INO80: variants seen among roughly 807,000 people sequenced by gnomAD.
INO80 encodes the protein chromatin-remodeling ATPase INO80.
INO80 carries 20 observed loss-of-function variants against 203.4 expected under a neutral mutation model. The ratio of observed to expected loss-of-function variants is 0.10; its 90% confidence interval spans 0.07 to 0.14. The LOEUF is 0.14. Ranked by LOEUF, INO80 falls within the 10% of genes least tolerant of loss-of-function variation. The probability of loss-of-function intolerance (pLI) is 1.00; values close to 1 mark genes in which losing one functional copy is unlikely to be tolerated. For missense variants in INO80, 1,419 were observed against 1,914.4 expected, an observed-to-expected ratio of 0.74 and a Z score of 4.83; for synonymous variants, 726 against 685.2, an observed-to-expected ratio of 1.06 and a Z score of -0.93.
rs530408107 is a variant in INO80, at chr15:41,034,812, G to A, written c.2908-7076C>T. ...GACTGATCTGGAACATGGAATCTGG[G>A]TTCAACTTGCATACTCTTCCATTAA... is the stretch of plus-strand genomic sequence containing the variant. On this transcript the variant is annotated intron_variant, in intron 24 of 35. Transcript: ENST00000648947. Among the ~76,000 whole-genome samples the A allele has an allele frequency of 6.6e-5, 10 of 152,312 alleles. No homozygotes were observed. The South Asian group carries it at 1.9e-3, about 28-fold the overall frequency.
chr15:41,089,223 AAAAC>A (rs978625277), intron 5 of INO80, among the ~76,000 whole-genome samples: 5 of 152,150 alleles, frequency 3.3e-5, no homozygotes, highest in Non-Finnish European at 7.4e-5. Context: ...ATAAACATAA[AAAAC>A]AAGCAAATAC....
At chr15:41,072,906 G>A (rs543252695) in intron 11 of INO80, among the ~76,000 whole-genome samples, 18 of 151,192 alleles carry the variant, frequency 1.2e-4, no homozygotes, top group Admixed American at 5.9e-4. Flanking sequence ...TCAGCCTCCC[G>A]AGTAGCTGGG....
chr15:41,009,957 A>G (rs2044109106), intron 27 of INO80, among the ~76,000 whole-genome samples: 1 of 151,936 alleles, frequency 6.6e-6, no homozygotes, highest in Admixed American at 6.6e-5. Context: ...CTTACACGGA[A>G]CCCCTCTAAT....
At chr15:41,092,457 A>C (rs2045659362) in intron 4 of INO80, among the ~76,000 whole-genome samples, 1 of 152,254 alleles carries the variant, frequency 6.6e-6, no homozygotes, top group African/African-American at 2.4e-5. Context: ...TAAATAATAC[A>C]TAAATATCAT....
intron 15 of INO80, among the ~76,000 whole-genome samples, chr15:41,059,125 T>A (rs1039410717): frequency 3.0e-4 from 46 of 151,716 alleles, no homozygotes; most frequent in Non-Finnish European, 4.9e-4. Flanking sequence ...CTAATTTTTT[T>A]ATTTTATTTT....
chr15:41,060,238 T>C (rs948209098), intron 14 of INO80, among the ~76,000 whole-genome samples: 3 of 152,186 alleles, frequency 2.0e-5, no homozygotes, highest in Non-Finnish European at 4.4e-5. Context: ...GATGGTATCA[T>C]GGCATTACAA....
chr15:41,052,337 T>C (rs1055557880), intron 19 of INO80, among the ~76,000 whole-genome samples: 1 of 151,974 alleles, frequency 6.6e-6, no homozygotes, highest in African/African-American at 2.4e-5. Flanking sequence ...TAAATAAAGG[T>C]ACAGTTCTAC....
At chr15:41,046,196 CGTATACATACATATATAT>C (rs1313254038) in intron 23 of INO80, among the ~76,000 whole-genome samples, 9 of 59,022 alleles carry the variant, frequency 1.5e-4, no homozygotes, top group African/African-American at 6.9e-4. Context: ...TCTCTGTGTG[CGTATACATACATATATAT>C]ATATATATAT....
chr15:41,091,707 TG>T (rs1457397733), intron 5 of INO80, among the ~76,000 whole-genome samples: 1 of 139,120 alleles, frequency 7.2e-6, no homozygotes, highest in Non-Finnish European at 1.5e-5. Context: ...CAGGCTGGAG[TG>T]CAGTGCTGTG....
intron 20 of INO80, 142 bp from the exon 21 acceptor site, chr15:41,049,562 G>C: frequency 1.3e-6 from 1 of 796,790 alleles, no homozygotes; most frequent in Non-Finnish European, 2.0e-6. Context: ...TGCTTATCTG[G>C]CATCAAGGAT....
intron 19 of INO80, 76 bp from the exon 20 acceptor site, chr15:41,050,178 C>A: frequency 1.1e-6 from 1 of 928,346 alleles, no homozygotes; most frequent in Non-Finnish European, 1.7e-6. Context: ...AAGTTGAAAA[C>A]ACACACAAAC....
chr15:41,106,752 C>T (rs1334520402), intron 1 of INO80, among the ~76,000 whole-genome samples: 1 of 152,194 alleles, frequency 6.6e-6, no homozygotes, highest in African/African-American at 2.4e-5. Flanking sequence ...GTACATATAT[C>T]TATAAATATT....
intron 29 of INO80, among the ~76,000 whole-genome samples, chr15:40,993,651 C>T (rs1004620707): frequency 2.0e-5 from 3 of 151,848 alleles, no homozygotes; most frequent in East Asian, 1.9e-4. Context: ...CCCAGCTACT[C>T]GGGAGGCTGA....
chr15:41,056,676 C>A lies in INO80; in HGVS notation c.2016G>T (p.Gln672His), dbSNP rs144128071. The change falls in exon 17 of 36, where the codon CAG becomes CAT. Residue 672 changes from glutamine (Q) to histidine (H), a missense_variant. Physicochemically the swap from Gln to His is conservative, Grantham distance 24. Coordinates refer to ENST00000648947, the MANE Select transcript of INO80 (RefSeq NM_017553.3). ...SVRWKILLQF[Q>H]CRNRLLLTGT... ...CGGTTAGCAAAAGCCGATTCCGACA[C>A]TGGAACTGTAAGAGGATCTTCCAAC... is the stretch of plus-strand genomic sequence containing the variant. 1 of 1,614,002 alleles carries A rather than the reference C, an allele frequency of 6.2e-7. No individual in the cohort carries two copies. The highest frequency in any genetic ancestry group is 1.1e-5 in the South Asian group (1 of 91,088).
At chr15:41,053,070 T>C (rs1307674685) in intron 19 of INO80, among the ~76,000 whole-genome samples, 2 of 151,868 alleles carry the variant, frequency 1.3e-5, no homozygotes, top group African/African-American at 4.8e-5. Flanking sequence ...AGACAGACCA[T>C]CCAAATGCTA....
At position 41,014,283 on chromosome 15, in the gene INO80, G is replaced by A. The variant is rs538899002; in HGVS notation, c.3402+1805C>T. On this transcript the variant is annotated intron_variant, in intron 27 of 35. Transcript: ENST00000648947. ...AGAAATACCATTATGTCCCTTACCA[G>A]TATCCTTAGCATACTGCTTTTTCTT... Among the ~76,000 whole-genome samples, 12 of 152,250 alleles carry A rather than the reference G, an allele frequency of 7.9e-5. No individual in the cohort carries two copies. The East Asian group carries it at 2.3e-3, about 29-fold the overall frequency.
At position 40,980,216 on chromosome 15, in the gene INO80, C is replaced by G; in HGVS notation, c.*7G>C. On this transcript the variant is annotated 3_prime_UTR_variant, in exon 36 of 36. Coordinates refer to ENST00000648947, the MANE Select transcript of INO80 (RefSeq NM_017553.3). ...TTTGGTTGAAGGAAGTCGGAGGGCC[C>G]AGATGGTTACCGTCCTCCAGAGGGG... 6.2e-7 allele frequency: 1 copy of G among 1,611,506 alleles called. No homozygotes were observed. Among genetic ancestry groups the G allele is most frequent in the Admixed American group, 1.7e-5 (1 of 60,026 alleles).
intron 27 of INO80, among the ~76,000 whole-genome samples, chr15:41,007,528 T>C (rs897236743): frequency 6.6e-6 from 1 of 152,050 alleles, no homozygotes; most frequent in Non-Finnish European, 1.5e-5. Flanking sequence ...AAAGCATTGA[T>C]GAATGAATCT....
rs893121991 is a variant in INO80 at position 41,112,786 on chromosome 15, CAAAAAAA to C, written c.-44+3180_-44+3186del. On this transcript the variant is annotated intron_variant, in intron 1 of 35. Coordinates refer to ENST00000648947, the MANE Select transcript of INO80 (RefSeq NM_017553.3). ...CTGGCGACAGGGCAAGACTCCATCT[CAAAAAAA>C]AAAAAAAAAAAAAAAAAAAACTTTT... Among the ~76,000 whole-genome samples the C allele has an allele frequency of 2.5e-3, 48 of 19,206 alleles. No individual in the cohort carries two copies. In the East Asian group the frequency reaches 0.033, roughly 13 times the overall value. The allele number at this position is 19,206 out of a possible 152,430, so 12.6% of individuals were successfully genotyped here. A position where few individuals can be genotyped will look rare whatever the true frequency, so the allele number is the denominator to read the frequency against.
Sources: gnomAD v4.1 joint callset for allele counts (sites outside exome capture counted in the v4.1 genomes callset) on GRCh38, gnomAD v4.1.1 for gene constraint, MANE v1.5 for transcripts, NCBI Gene and HGNC (gene_info 2026-07-23, HGNC 2026-07-21) for gene names.